MEIOB: variants seen among roughly 807,000 people sequenced by gnomAD.
MEIOB encodes the protein meiosis specific with OB-fold, also known as meiosis-specific with OB domain-containing protein.
In MEIOB, 50 loss-of-function variants were observed where a neutral mutation model predicts 53.1. That is an observed-to-expected ratio of 0.94 (90% confidence interval 0.75 to 1.19). The LOEUF is 1.19. MEIOB is among the 50% of genes most tolerant of loss of function. The pLI is 0.00. For missense variants in MEIOB, 551 were observed against 550.8 expected, an observed-to-expected ratio of 1.00 and a Z score of 0.00; for synonymous variants, 192 against 182.5, an observed-to-expected ratio of 1.05 and a Z score of -0.42.
rs544530502 is a variant in MEIOB, at chr16:1,870,107, G to A, written c.-10+1886C>T. 9.9e-5 allele frequency among the ~76,000 whole-genome samples: 15 copies of A among 151,262 alleles called. 1 individual carries two copies. In the South Asian group the frequency reaches 3.1e-3, roughly 32 times the overall value. Reference sequence around the variant, plus strand: ...CAGGATGGTCTCGATCTCCTGACCTGATGATCCACCCGCATCAGCCTCCCA... The same window carrying A: ...CAGGATGGTCTCGATCTCCTGACCTAATGATCCACCCGCATCAGCCTCCCA... On this transcript the variant is annotated intron_variant, in intron 1 of 13. Coordinates refer to ENST00000325962, the MANE Select transcript of MEIOB (RefSeq NM_001163560.3).
chr16:1,869,947 C>A (rs1899697847), intron 1 of MEIOB, among the ~76,000 whole-genome samples: 1 of 149,640 alleles, frequency 6.7e-6, no homozygotes, highest in Admixed American at 6.7e-5. Flanking sequence ...TCTCAGCTCA[C>A]TGCAACCTCT....
At chr16:1,839,143 T>G (rs932404571) in intron 12 of MEIOB, 112 bp downstream of exon 12, 2 of 1,277,942 alleles carry the variant, frequency 1.6e-6, no homozygotes, top group Non-Finnish European at 2.1e-6. Context: ...TCCCAGGCTG[T>G]TTATTAGTGA....
At chr16:1,862,674 A>G (rs1463175616) in intron 3 of MEIOB, among the ~76,000 whole-genome samples, 1 of 152,014 alleles carries the variant, frequency 6.6e-6, no homozygotes, top group African/African-American at 2.4e-5. Flanking sequence ...TAATCCTAAC[A>G]CTTTGGGAGC....
chr16:1,841,725 C>T (rs1168794297), intron 11 of MEIOB, 95 bp downstream of exon 11: 1 of 970,500 alleles, frequency 1.0e-6, no homozygotes, highest in African/African-American at 1.7e-5. Context: ...CCTGTTACAT[C>T]AACAAACAGC....
chr16:1,861,134 A>C (rs868790371), intron 4 of MEIOB, among the ~76,000 whole-genome samples: 2 of 152,278 alleles, frequency 1.3e-5, no homozygotes, highest in Middle Eastern at 6.8e-3. Context: ...CAAAGCCATG[A>C]TGTAAGTCAA....
chr16:1,850,545 C>A (rs2142086982), intron 9 of MEIOB, among the ~76,000 whole-genome samples: 1 of 151,402 alleles, frequency 6.6e-6, no homozygotes, highest in Non-Finnish European at 1.5e-5. Flanking sequence ...CACTGCACTC[C>A]AGCCTGGGGA....
intron 1 of MEIOB, among the ~76,000 whole-genome samples, chr16:1,868,402 C>A (rs1182903649): frequency 6.6e-6 from 1 of 152,014 alleles, no homozygotes; most frequent in Admixed American, 6.6e-5. Context: ...TAGCGGGCAC[C>A]AGTAATCCCA....
chr16:1,836,916 G>A lies in MEIOB; in HGVS notation c.1305+868C>T, dbSNP rs139643317. Among the ~76,000 whole-genome samples, 493 of 152,208 alleles carry A rather than the reference G, an allele frequency of 3.2e-3. 3 individuals are homozygous for A. The highest frequency in any genetic ancestry group is 0.011 in the African/African-American group (462 of 41,522). On this transcript the variant is annotated intron_variant, in intron 13 of 13. Coordinates refer to ENST00000325962, the MANE Select transcript of MEIOB (RefSeq NM_001163560.3). ...TATCAGTAGATATAACCACACAAACGGGAGCACATTAACTTGCGGGAGAAT... is the reference window on the plus strand; with the variant it reads ...TATCAGTAGATATAACCACACAAACAGGAGCACATTAACTTGCGGGAGAAT...
chr16:1,835,256 G>C (rs12325337), intron 13 of MEIOB, among the ~76,000 whole-genome samples: 26,723 of 149,806 alleles, frequency 0.18, 2,528 homozygotes, highest in South Asian at 0.27. Context: ...GAGTGAGACT[G>C]TGTCTCAAAA....
intron 13 of MEIOB, among the ~76,000 whole-genome samples, chr16:1,834,952 T>TA (rs897228052): frequency 1.5e-4 from 6 of 40,610 alleles, no homozygotes; most frequent in African/African-American, 4.0e-4. Flanking sequence ...CCCCCCCCAC[T>TA]AAAAAAAATG....
At chr16:1,848,544 C>CT (rs749481002) in intron 9 of MEIOB, among the ~76,000 whole-genome samples, 2,059 of 129,570 alleles carry the variant, frequency 0.016, 22 homozygotes, top group African/African-American at 0.029. Context: ...TTTTTTTTTC[C>CT]TTTTTTTTTT....
At chr16:1,853,986 A>G (rs1419844615) in intron 7 of MEIOB, 114 bp downstream of exon 7, 1 of 675,062 alleles carries the variant, frequency 1.5e-6, no homozygotes, top group East Asian at 2.8e-5. Context: ...AATATCATTC[A>G]TCTCCTATCA....
At chr16:1,837,418 C>G (rs1596961560) in intron 13 of MEIOB, among the ~76,000 whole-genome samples, 1 of 152,246 alleles carries the variant, frequency 6.6e-6, no homozygotes, top group South Asian at 2.1e-4. Flanking sequence ...GTTGCCCAGG[C>G]TGGCCTCAAA....
At chr16:1,870,943 C>T (rs768043388) in intron 1 of MEIOB, among the ~76,000 whole-genome samples, 5 of 152,046 alleles carry the variant, frequency 3.3e-5, no homozygotes, top group Non-Finnish European at 5.9e-5. Context: ...TCTGTACAAA[C>T]ACAACTACCT....
chr16:1,840,389 A>AAC (rs1042859221), intron 11 of MEIOB, among the ~76,000 whole-genome samples: 8 of 152,072 alleles, frequency 5.3e-5, no homozygotes, highest in East Asian at 1.9e-4. Context: ...AACTAATGAG[A>AAC]ACACACACAC....
chr16:1,848,934 G>GA (rs1482291364), intron 9 of MEIOB, among the ~76,000 whole-genome samples: 3 of 152,094 alleles, frequency 2.0e-5, no homozygotes, highest in Non-Finnish European at 4.4e-5. Flanking sequence ...CTACACATGG[G>GA]AATAGCACTT....
At chr16:1,871,915 G>A (rs1899764797) in intron 1 of MEIOB, 78 bp downstream of exon 1, 1 of 149,120 alleles carries the variant, frequency 6.7e-6, no homozygotes, top group Non-Finnish European at 1.5e-5. Flanking sequence ...GACCCGCGCG[G>A]GCTCCCTTCC....
At chr16:1,846,640 G>C (rs1309807981) in intron 9 of MEIOB, among the ~76,000 whole-genome samples, 2 of 152,184 alleles carry the variant, frequency 1.3e-5, no homozygotes, top group East Asian at 1.9e-4. Flanking sequence ...ATGAGATCAT[G>C]TCCTTTGCAG....
At chr16:1,866,087 T>C (rs1245340771) in intron 2 of MEIOB, among the ~76,000 whole-genome samples, 1 of 152,240 alleles carries the variant, frequency 6.6e-6, no homozygotes, top group Non-Finnish European at 1.5e-5. Context: ...ATATTTCTAC[T>C]TTATTTTCAA....
Sources: allele counts gnomAD v4.1 joint callset (sites outside exome capture counted in the v4.1 genomes callset), GRCh38; gene constraint gnomAD v4.1.1; transcripts MANE v1.5; gene names NCBI Gene and HGNC (gene_info 2026-07-23, HGNC 2026-07-21).